Variants in SBF2 observed in about 807,000 individuals in gnomAD.
SBF2 encodes SET binding factor 2, also known as myotubularin-related protein 13.
A neutral mutation model predicts 225.2 loss-of-function variants in SBF2; 112 were observed. That is an observed-to-expected ratio of 0.50 (90% confidence interval 0.43 to 0.58). The LOEUF is 0.58. Ranked by LOEUF, SBF2 falls within the 20% of genes least tolerant of loss-of-function variation. The pLI is 0.00. For missense variants in SBF2, 1,996 were observed against 2,206.2 expected (o/e 0.90, Z 1.91); for synonymous variants, 763 against 773.3 (o/e 0.99, Z 0.22).
At position 10,185,109 on chromosome 11, in the gene SBF2, T is replaced by TGG. The variant is rs548437676; in HGVS notation, c.141+8791_141+8792dup. Among the ~76,000 whole-genome samples, 107 of 148,854 alleles carry TGG rather than the reference T, an allele frequency of 7.2e-4. 1 individual carries two copies. Among genetic ancestry groups the TGG allele is most frequent in the African/African-American group, 2.2e-3 (88 of 40,492 alleles). On this transcript the variant is annotated intron_variant, in intron 2 of 39. Coordinates refer to ENST00000256190, the MANE Select transcript of SBF2 (RefSeq NM_030962.4). Reference sequence around the variant, plus strand: ...TCCTTTTTAAGGCTGAATAATATTCTGGGGGGGGGTGTGTGTGTGCGTGCA... The same window carrying TGG: ...TCCTTTTTAAGGCTGAATAATATTCTGGGGGGGGGGGTGTGTGTGTGCGTGCA...
intron 16 of SBF2, among the ~76,000 whole-genome samples, chr11:9,903,434 AC>A (rs1345383221): frequency 1.3e-5 from 2 of 152,228 alleles, no homozygotes; most frequent in Non-Finnish European, 2.9e-5. Context: ...CAAATATGTT[AC>A]CAGTCAAGGT....
At chr11:9,959,459 T>G (rs1440252542) in intron 16 of SBF2, 52 of 1,049,410 alleles carry the variant, frequency 5.0e-5, no homozygotes. Flanking sequence ...CTTATCCGTT[T>G]ACAGGTGTGC....
chr11:9,868,366 A>G (rs75425978), intron 17 of SBF2, among the ~76,000 whole-genome samples: 6,604 of 114,648 alleles, frequency 0.058, 755 homozygotes, highest in African/African-American at 0.19. Flanking sequence ...AAAAAAAAAA[A>G]AATTAGGCGG....
chr11:10,181,444 G>A (rs1449099356), intron 2 of SBF2, among the ~76,000 whole-genome samples: 1 of 151,948 alleles, frequency 6.6e-6, no homozygotes, highest in African/African-American at 2.4e-5. Flanking sequence ...CCCAATTTTT[G>A]AAGTGATTTT....
intron 17 of SBF2, among the ~76,000 whole-genome samples, chr11:9,876,609 A>G (rs1265102115): frequency 1.3e-5 from 2 of 152,204 alleles, no homozygotes; most frequent in East Asian, 3.8e-4. Context: ...ACCCAGAAAG[A>G]AAGCCGTTCC....
At chr11:9,915,094 G>T (rs555425192) in intron 16 of SBF2, among the ~76,000 whole-genome samples, 1 of 152,190 alleles carries the variant, frequency 6.6e-6, no homozygotes, top group South Asian at 2.1e-4. Flanking sequence ...AGATGAAATG[G>T]CCAGAGAGAC....
chr11:9,938,152 G>A (rs765184097), intron 16 of SBF2, among the ~76,000 whole-genome samples: 6 of 151,948 alleles, frequency 3.9e-5, no homozygotes, highest in South Asian at 2.1e-4. Flanking sequence ...TTAGCCGGGC[G>A]TGGTGGCGGG....
chr11:10,132,482 C>T (rs986139777), intron 2 of SBF2, among the ~76,000 whole-genome samples: 10 of 148,716 alleles, frequency 6.7e-5, no homozygotes, highest in Admixed American at 1.4e-4. Flanking sequence ...TTTGTGGTCT[C>T]GCTGGCTCAG....
intron 2 of SBF2, among the ~76,000 whole-genome samples, chr11:10,137,732 C>A (rs889661967): frequency 2.0e-5 from 3 of 152,052 alleles, no homozygotes; most frequent in Admixed American, 6.6e-5. Flanking sequence ...TGAGGCCGGG[C>A]GCGGTGGTTC....
intron 16 of SBF2, among the ~76,000 whole-genome samples, chr11:9,900,987 T>G (rs574499556): frequency 6.6e-5 from 10 of 152,244 alleles, no homozygotes; most frequent in African/African-American, 2.4e-4. Context: ...TGCCTCCACC[T>G]CTCAAAATGC....
intron 3 of SBF2, 151 bp downstream of exon 3, chr11:10,042,693 C>T (rs1183481626): frequency 2.5e-5 from 17 of 674,916 alleles, no homozygotes; most frequent in Non-Finnish European, 3.3e-5. Flanking sequence ...ATGTTGCTCT[C>T]CTCTCCAACC....
At chr11:10,072,840 T>C (rs537154551) in intron 2 of SBF2, among the ~76,000 whole-genome samples, 37 of 151,392 alleles carry the variant, frequency 2.4e-4, no homozygotes, top group Middle Eastern at 3.4e-3. Flanking sequence ...CAAGCAATCA[T>C]GATCCTGTCA....
chr11:10,129,703 A>AT (rs146268243), intron 2 of SBF2, among the ~76,000 whole-genome samples: 11,530 of 152,134 alleles, frequency 0.076, 629 homozygotes, highest in East Asian at 0.28. Context: ...ATGTCTCTAA[A>AT]TTTTTTACCT....
At chr11:9,828,241 A>G in intron 28 of SBF2, 1 of 1,286,906 alleles carries the variant, frequency 7.8e-7, no homozygotes, top group Non-Finnish European at 1.0e-6. Flanking sequence ...GCCAAAAAGA[A>G]GAACAAAAAC....
intron 17 of SBF2, among the ~76,000 whole-genome samples, chr11:9,891,314 C>T (rs1050283767): frequency 2.6e-5 from 4 of 152,190 alleles, no homozygotes; most frequent in Admixed American, 6.5e-5. Context: ...GACATGAACC[C>T]CTGCTTTACA....
At position 10,200,543 on chromosome 11, in the gene SBF2, A is replaced by G. The variant is rs1422548775; in HGVS notation, c.56-6556T>C. Among the ~76,000 whole-genome samples, 5 of 152,276 alleles carry G rather than the reference A, an allele frequency of 3.3e-5. No individual in the cohort carries two copies. In the East Asian group the frequency reaches 9.6e-4, roughly 29 times the overall value. ...ATGAAACATGTAAATCCCTTTTTAA[A>G]ACATGTTTAATGCTGTTCTGTACCT... On this transcript the variant is annotated intron_variant, in intron 1 of 39. Transcript: ENST00000256190.
intron 1 of SBF2, among the ~76,000 whole-genome samples, chr11:10,252,616 C>G (rs373590510): frequency 7.9e-5 from 12 of 152,168 alleles, no homozygotes; most frequent in African/African-American, 2.9e-4. Flanking sequence ...CGAGACCATC[C>G]TGACTAACAC....
At chr11:9,825,277 A>C (rs1564886520) in intron 28 of SBF2, among the ~76,000 whole-genome samples, 1 of 152,190 alleles carries the variant, frequency 6.6e-6, no homozygotes, top group Admixed American at 6.5e-5. Flanking sequence ...ATGCTTCCAG[A>C]AGCCAAGCAA....
At chr11:9,903,969 CT>C (rs1266212893) in intron 16 of SBF2, among the ~76,000 whole-genome samples, 1 of 152,026 alleles carries the variant, frequency 6.6e-6, no homozygotes, top group African/African-American at 2.4e-5. Flanking sequence ...AGGAAATGGA[CT>C]CTCCCTGGTG....
Sources: allele counts gnomAD v4.1 joint callset (sites outside exome capture counted in the v4.1 genomes callset), GRCh38; gene constraint gnomAD v4.1.1; transcripts MANE v1.5; gene names NCBI Gene and HGNC (gene_info 2026-07-23, HGNC 2026-07-21).